EDNRA: variants seen among roughly 807,000 people sequenced by gnomAD.
EDNRA encodes the protein endothelin-1 receptor.
In EDNRA, 11 loss-of-function variants were observed where a neutral mutation model predicts 41.4. The ratio of observed to expected loss-of-function variants is 0.27; its 90% CI spans 0.17 to 0.44. The LOEUF (loss-of-function observed/expected upper bound fraction) is 0.44. EDNRA is among the 20% of genes least tolerant of loss of function. The pLI is 1.00. For missense variants in EDNRA, 294 were observed against 531.0 expected, an observed-to-expected ratio of 0.55 and a Z score of 4.39; for synonymous variants, 172 against 183.0, an observed-to-expected ratio of 0.94 and a Z score of 0.49.
rs201787102 is a variant in EDNRA at position 147,486,149 on chromosome 4, A to G, written c.420+48A>G. 13 of 1,549,134 alleles carry G rather than the reference A, an allele frequency of 8.4e-6. No homozygotes were observed. Among genetic ancestry groups the G allele is most frequent in the Non-Finnish European group, 9.6e-6 (11 of 1,146,648 alleles). On this transcript the variant is annotated intron_variant, in intron 2 of 7. Transcript: ENST00000651419. The surrounding 1 kb of genome is among the most constrained non-coding windows in gnomAD (Gnocchi z 4.3). ...TTTGCAAATTTAAACCCATGCTCTGATTCCACGTGGAGAGTTGCTGCAGAC... is the reference window on the plus strand; with the variant it reads ...TTTGCAAATTTAAACCCATGCTCTGGTTCCACGTGGAGAGTTGCTGCAGAC...
intron 2 of EDNRA, among the ~76,000 whole-genome samples, chr4:147,503,330 C>T (rs570828503): frequency 1.3e-5 from 2 of 152,086 alleles, no homozygotes; most frequent in East Asian, 3.9e-4. Flanking sequence ...CAAGTCTTGT[C>T]CTGAGCGAGC....
intron 2 of EDNRA, among the ~76,000 whole-genome samples, chr4:147,499,484 A>G (rs10024834): frequency 0.47 from 71,685 of 152,112 alleles, 21,099 homozygotes; most frequent in African/African-American, 0.84. Flanking sequence ...AACAACCAAG[A>G]TCTATTGTCT....
rs560166030 is a variant in EDNRA, at chr4:147,513,360, A to G, written c.421-6491A>G. 3.3e-5 allele frequency among the ~76,000 whole-genome samples: 5 copies of G among 152,364 alleles called. No homozygotes were observed. In the East Asian group the frequency reaches 7.7e-4, roughly 23 times the overall value. ...TATGGATAGGGGATAGGGAGAGGCC[A>G]TAGCTTTTATGACATTTGTATGAAT... is the stretch of plus-strand genomic sequence containing the variant. On this transcript the variant is annotated intron_variant, in intron 2 of 7. Coordinates refer to ENST00000651419, the MANE Select transcript of EDNRA (RefSeq NM_001957.4).
At chr4:147,514,252 A>G (rs974735205) in intron 2 of EDNRA, among the ~76,000 whole-genome samples, 1 of 152,192 alleles carries the variant, frequency 6.6e-6, no homozygotes, top group Non-Finnish European at 1.5e-5. Context: ...CAACAGGTCA[A>G]TCTCGTACTT....
intron 2 of EDNRA, among the ~76,000 whole-genome samples, chr4:147,487,144 C>A (rs1728976288): frequency 6.6e-6 from 1 of 152,144 alleles, no homozygotes; most frequent in South Asian, 2.1e-4. Flanking sequence ...CTCACTAATG[C>A]AAGGACAGCA....
At chr4:147,499,663 T>G (rs1020636287) in intron 2 of EDNRA, among the ~76,000 whole-genome samples, 1 of 152,142 alleles carries the variant, frequency 6.6e-6, no homozygotes, top group South Asian at 2.1e-4. Flanking sequence ...AAAGCAGCAC[T>G]AAGCCAGGTG....
In EDNRA at chr4:147,486,819, A is replaced by G. The variant is rs1159187110; in HGVS notation, c.420+718A>G. On this transcript the variant is annotated intron_variant, in intron 2 of 7. Transcript: ENST00000651419. The surrounding 1 kb of genome is among the most constrained non-coding windows in gnomAD (Gnocchi z 4.3). The stretch of plus-strand genomic sequence containing the variant: ...AGGCAGTAAGGAACCAAAAAGAAAC[A>G]CAACAAAGTCAGTGCCTCAGTGTGA... Among the ~76,000 whole-genome samples the G allele has an allele frequency of 6.6e-6, 1 of 152,060 alleles. No individual in the cohort carries two copies. The highest frequency in any genetic ancestry group is 1.5e-5 in the Non-Finnish European group (1 of 68,004).
chr4:147,500,120 G>C (rs919987909), intron 2 of EDNRA, among the ~76,000 whole-genome samples: 1 of 152,172 alleles, frequency 6.6e-6, no homozygotes, highest in African/African-American at 2.4e-5. Flanking sequence ...AAGTCTTAAA[G>C]ATAAAGCTTT....
intron 5 of EDNRA, 119 bp downstream of exon 5, chr4:147,536,148 T>C (rs546549825): frequency 2.5e-6 from 3 of 1,202,808 alleles, no homozygotes; most frequent in South Asian, 3.0e-5. Flanking sequence ...AATACTATCC[T>C]GTAACTGTTT....
chr4:147,485,965 T>C lies in EDNRA; in HGVS notation c.284T>C (p.Met95Thr), dbSNP rs200921476. 2 of 1,614,134 alleles carry C rather than the reference T, an allele frequency of 1.2e-6. No individual in the cohort carries two copies. The highest frequency in any genetic ancestry group is 1.7e-6 in the Non-Finnish European group (2 of 1,180,046). ...TCTTGTACTATTTTCATCGTGGGAA[T>C]GGTGGGGAATGCAACTCTGCTCAGG... Reference protein sequence around the residue: ...VISCTIFIVGMVGNATLLRII... With the variant: ...VISCTIFIVGTVGNATLLRII... Residue 95 changes from methionine (M) to threonine (T), a missense_variant, in exon 2 of 8, where the codon ATG becomes ACG. This residue lies in a region of EDNRA where 90 missense variants were observed against 122.8 expected (regional missense o/e 0.73). Coordinates refer to ENST00000651419, the MANE Select transcript of EDNRA (RefSeq NM_001957.4).
chr4:147,512,756 T>A lies in EDNRA; in HGVS notation c.421-7095T>A, dbSNP rs10305886. ...TCTTTACTGTTAGGTCACACCACCC[T>A]CTTCTTCTGTGGAGCTCCCAGGGAA... On this transcript the variant is annotated intron_variant, in intron 2 of 7. Coordinates refer to ENST00000651419, the MANE Select transcript of EDNRA (RefSeq NM_001957.4). Among the ~76,000 whole-genome samples, 1,058 of 152,280 alleles carry A rather than the reference T, an allele frequency of 6.9e-3. 10 individuals are homozygous for A. The highest frequency in any genetic ancestry group is 0.024 in the African/African-American group (996 of 41,548).
At chr4:147,538,819 G>T (rs1731001979) in intron 5 of EDNRA, among the ~76,000 whole-genome samples, 1 of 152,142 alleles carries the variant, frequency 6.6e-6, no homozygotes, top group Admixed American at 6.5e-5. Context: ...TTTATTGTAG[G>T]CTTCCCGGAC....
At position 147,486,901 on chromosome 4, in the gene EDNRA, TAAAA is replaced by T. The variant is rs10570878; in HGVS notation, c.420+813_420+816del. 7.2e-6 allele frequency among the ~76,000 whole-genome samples: 1 copy of T among 139,746 alleles called. No homozygotes were observed. The highest frequency in any genetic ancestry group is 1.6e-5 in the Non-Finnish European group (1 of 63,412). 91.7% of individuals were successfully genotyped at this position (139,746 alleles called of 152,430 possible). The stretch of plus-strand genomic sequence containing the variant: ...TATTAGGCCATTTCTACATTGCTAT[TAAAA>T]AAAAAAAAAAAAGGCTGGGTAATTT... On this transcript the variant is annotated intron_variant, in intron 2 of 7. Coordinates refer to ENST00000651419, the MANE Select transcript of EDNRA (RefSeq NM_001957.4). This position sits in a 1 kb window ranked among gnomAD's most constrained non-coding sequence, Gnocchi z 4.3.
At chr4:147,526,092 G>T (rs1730532287) in intron 3 of EDNRA, among the ~76,000 whole-genome samples, 1 of 152,248 alleles carries the variant, frequency 6.6e-6, no homozygotes, top group African/African-American at 2.4e-5. Flanking sequence ...CATGAGCAGG[G>T]AACTGGACAA....
At chr4:147,539,770 T>C (rs759543697) in intron 5 of EDNRA, 47 bp from the exon 6 acceptor site, 4 of 1,589,610 alleles carry the variant, frequency 2.5e-6, no homozygotes, top group Non-Finnish European at 3.4e-6. Context: ...GCATCTAGTA[T>C]AAAAACACTA....
intron 2 of EDNRA, among the ~76,000 whole-genome samples, chr4:147,499,154 C>A (rs1302635523): frequency 3.9e-5 from 6 of 152,150 alleles, no homozygotes; most frequent in African/African-American, 1.4e-4. Context: ...CTCCTGAGCC[C>A]AAGCAATCCT....
At position 147,542,983 on chromosome 4, in the gene EDNRA, A is replaced by G. The variant is rs10305931; in HGVS notation, c.*365A>G. 3.3e-4 allele frequency: 54 copies of G among 162,462 alleles called. No individual in the cohort carries two copies. Among genetic ancestry groups the G allele is most frequent in the Admixed American group, 2.8e-3 (44 of 15,638 alleles). The allele number at this position is 162,462 out of a possible 1,614,324, so 10.1% of individuals were successfully genotyped here. ...TTTATGGCAGTTCTGGTGAATGTTC[A>G]ATGGGAACTGGTCACCATGAAACTT... On this transcript the variant is annotated 3_prime_UTR_variant, in exon 8 of 8. Transcript: ENST00000651419.
rs143727153 is a variant in EDNRA, at chr4:147,536,723, A to C, written c.900+694A>C. Among the ~76,000 whole-genome samples, 396 of 152,328 alleles carry C rather than the reference A, an allele frequency of 2.6e-3. 1 individual carries two copies. Among genetic ancestry groups the C allele is most frequent in the African/African-American group, 8.9e-3 (369 of 41,582 alleles). On this transcript the variant is annotated intron_variant, in intron 5 of 7. Transcript: ENST00000651419. Reference sequence around the variant, plus strand: ...GGATCATGTACATTAGAAGAGGTAAAGTGTTGGAGGACCCAAAGTTCTAGA... The same window carrying C: ...GGATCATGTACATTAGAAGAGGTAACGTGTTGGAGGACCCAAAGTTCTAGA...
chr4:147,501,533 C>A (rs1012517344), intron 2 of EDNRA, among the ~76,000 whole-genome samples: 2 of 152,180 alleles, frequency 1.3e-5, no homozygotes, highest in Admixed American at 6.5e-5. Context: ...CCCTCTATAG[C>A]GAATCACCTT....
Sources: gnomAD v4.1 joint callset for allele counts (sites outside exome capture counted in the v4.1 genomes callset) on GRCh38, gnomAD v4.1.1 for gene constraint, gnomAD v4.1.1 regional missense constraint, Gnocchi (gnomAD v3.1) non-coding constraint, MANE v1.5 for transcripts, NCBI Gene and HGNC (gene_info 2026-07-23, HGNC 2026-07-21) for gene names.